PRKD1: variants seen among roughly 807,000 people sequenced by gnomAD.
PRKD1 encodes the protein serine/threonine-protein kinase D1.
A neutral mutation model predicts 95.9 loss-of-function variants in PRKD1; 63 were observed. That is an observed-to-expected ratio of 0.66 (90% CI 0.54 to 0.81). The LOEUF is 0.81. Ranked by LOEUF, PRKD1 falls within the 30% of genes least tolerant of loss-of-function variation. The pLI, the probability that PRKD1 is intolerant of heterozygous loss-of-function variation, is 0.00. For synonymous variants in PRKD1, 425 were observed against 423.1 expected (o/e 1.00, Z -0.05); for missense variants, 1,048 against 1,165.3 (o/e 0.90, Z 1.47).
At chr14:29,840,769 A>C (rs544769036) in intron 1 of PRKD1, among the ~76,000 whole-genome samples, 1 of 152,304 alleles carries the variant, frequency 6.6e-6, no homozygotes, top group African/African-American at 2.4e-5. Context: ...CCCCGTTATA[A>C]AACCATTTAT....
intron 1 of PRKD1, among the ~76,000 whole-genome samples, chr14:29,814,243 ATAAT>A (rs1214682533): frequency 6.6e-6 from 1 of 152,184 alleles, no homozygotes; most frequent in Non-Finnish European, 1.5e-5. Flanking sequence ...GTCCCACTAC[ATAAT>A]TAATCATTGC....
chr14:29,755,582 A>T (rs1320399996), intron 1 of PRKD1, among the ~76,000 whole-genome samples: 1 of 152,096 alleles, frequency 6.6e-6, no homozygotes, highest in Non-Finnish European at 1.5e-5. Context: ...GACATTTTTC[A>T]GCTGGTTTCT....
At chr14:29,874,611 TAAAGACAATGTGGTC>T (rs1296633874) in intron 1 of PRKD1, among the ~76,000 whole-genome samples, 4 of 152,096 alleles carry the variant, frequency 2.6e-5, no homozygotes, top group Non-Finnish European at 5.9e-5. Context: ...GGCAAAAAGA[TAAAGACAATGTGGTC>T]TACATACACA....
At chr14:29,698,896 TA>T (rs1354783277) in intron 2 of PRKD1, among the ~76,000 whole-genome samples, 1 of 152,104 alleles carries the variant, frequency 6.6e-6, no homozygotes, top group East Asian at 1.9e-4. Flanking sequence ...CTTTTCCTGT[TA>T]GATGCTAAAG....
intron 1 of PRKD1, among the ~76,000 whole-genome samples, chr14:29,878,341 C>CAAA (rs58074850): frequency 0.028 from 1,405 of 49,734 alleles, 59 homozygotes; most frequent in African/African-American, 0.061. Context: ...GTTCTAATGA[C>CAAA]AAAAAAAAAA....
intron 13 of PRKD1, among the ~76,000 whole-genome samples, chr14:29,608,578 C>A (rs1878189041): frequency 6.6e-6 from 1 of 152,060 alleles, no homozygotes; most frequent in Admixed American, 6.6e-5. Context: ...TGTTGCCAAC[C>A]CTAAGGTATT....
At chr14:29,835,989 A>G (rs142975283) in intron 1 of PRKD1, among the ~76,000 whole-genome samples, 153 of 152,362 alleles carry the variant, frequency 1.0e-3, no homozygotes, top group African/African-American at 3.6e-3. Context: ...GTAAAAATGT[A>G]TAAGAAATAT....
Position 29,577,064 on chromosome 14 carries a change from C to T in PRKD1, c.*174G>A. 1.4e-6 allele frequency: 1 copy of T among 691,190 alleles called. No individual in the cohort carries two copies. Among genetic ancestry groups the T allele is most frequent in the East Asian group, 2.7e-5 (1 of 36,532 alleles). The allele number at this position is 691,190 out of a possible 1,614,324, so 42.8% of individuals were successfully genotyped here. A position where few individuals can be genotyped will look rare whatever the true frequency, so the allele number is the denominator to read the frequency against. On this transcript the variant is annotated 3_prime_UTR_variant, in exon 18 of 18. Coordinates refer to ENST00000331968, the MANE Select transcript of PRKD1 (RefSeq NM_002742.3). ...ACAACACAGTTGGTCACACAAAATA[C>T]AAATGCTTCTGTTGATTTGTCTTGG...
intron 13 of PRKD1, among the ~76,000 whole-genome samples, chr14:29,603,234 C>T (rs1429620898): frequency 2.0e-5 from 3 of 152,018 alleles, no homozygotes; most frequent in Non-Finnish European, 4.4e-5. Context: ...TTCTCAGTAG[C>T]GAAGTGATTT....
At position 29,632,877 on chromosome 14, in the gene PRKD1, A is replaced by G; in HGVS notation, c.1384T>C (p.Tyr462His). ...TLFQNDTGSRYYKEIPLSEIL... is the reference protein window; with the variant it reads ...TLFQNDTGSRHYKEIPLSEIL... Reference sequence around the variant, plus strand: ...AAAGAGCCCACTCTTACCTTGTAGTACCTGCTTCCTGTGTCATTCTGAAAG... The same window carrying G: ...AAAGAGCCCACTCTTACCTTGTAGTGCCTGCTTCCTGTGTCATTCTGAAAG... The change falls in exon 9 of 18, where the codon TAC becomes CAC. Residue 462 changes from tyrosine (Y) to histidine (H), a missense_variant. Transcript: ENST00000331968. 1.9e-6 allele frequency: 3 copies of G among 1,611,450 alleles called. No individual in the cohort carries two copies. Among genetic ancestry groups the G allele is most frequent in the Non-Finnish European group, 2.5e-6 (3 of 1,177,538 alleles).
At chr14:29,651,650 C>CT (rs35604605) in intron 4 of PRKD1, among the ~76,000 whole-genome samples, 172 of 144,530 alleles carry the variant, frequency 1.2e-3, no homozygotes, top group East Asian at 3.2e-3. Flanking sequence ...AGAAATCTTT[C>CT]TTTTTTTTTT....
intron 13 of PRKD1, among the ~76,000 whole-genome samples, chr14:29,606,729 A>T (rs1213887632): frequency 1.3e-5 from 2 of 152,176 alleles, no homozygotes; most frequent in Non-Finnish European, 2.9e-5. Context: ...TGTCCTGAGG[A>T]TGAGAATAAA....
At chr14:29,868,009 T>C (rs1183236451) in intron 1 of PRKD1, among the ~76,000 whole-genome samples, 1 of 152,210 alleles carries the variant, frequency 6.6e-6, no homozygotes, top group African/African-American at 2.4e-5. Context: ...ATTTATAGGC[T>C]TTCCATATTC....
chr14:29,613,192 A>T (rs1677839557), intron 13 of PRKD1, among the ~76,000 whole-genome samples: 1 of 152,218 alleles, frequency 6.6e-6, no homozygotes, highest in African/African-American at 2.4e-5. Flanking sequence ...ATAAGCCAAC[A>T]TCTCAATACA....
At chr14:29,886,142 A>C (rs944573025) in intron 1 of PRKD1, among the ~76,000 whole-genome samples, 7 of 152,162 alleles carry the variant, frequency 4.6e-5, no homozygotes, top group Admixed American at 2.6e-4. Context: ...CGGAAGGAGG[A>C]AAGAGACTTG....
intron 1 of PRKD1, among the ~76,000 whole-genome samples, chr14:29,825,808 A>G (rs1177169866): frequency 2.0e-5 from 3 of 151,996 alleles, no homozygotes; most frequent in Non-Finnish European, 4.4e-5. Flanking sequence ...TATATTGTTC[A>G]TTTCCTCCTC....
chr14:29,700,988 G>GCACGCACACACACACACACA (rs1884812182), intron 2 of PRKD1, among the ~76,000 whole-genome samples: 1 of 90,568 alleles, frequency 1.1e-5, no homozygotes, highest in Non-Finnish European at 2.5e-5. Context: ...GCGCGCGCGC[G>GCACGCACACACACACACACA]CACACACACA....
chr14:29,919,446 G>C (rs1189679217), intron 1 of PRKD1, among the ~76,000 whole-genome samples: 11 of 150,710 alleles, frequency 7.3e-5, no homozygotes, highest in Non-Finnish European at 5.9e-5. Flanking sequence ...TTTTCTAGAT[G>C]AGACCAGAAA....
intron 4 of PRKD1, among the ~76,000 whole-genome samples, chr14:29,660,288 A>G (rs1882120797): frequency 6.6e-6 from 1 of 152,186 alleles, no homozygotes; most frequent in African/African-American, 2.4e-5. Context: ...ACATTGCCTT[A>G]ATACTTTATA....
Sources: allele counts gnomAD v4.1 joint callset (sites outside exome capture counted in the v4.1 genomes callset), GRCh38; gene constraint gnomAD v4.1.1; transcripts MANE v1.5; gene names NCBI Gene and HGNC (gene_info 2026-07-23, HGNC 2026-07-21).